ATG9B: variants seen among roughly 807,000 people sequenced by gnomAD.
ATG9B encodes autophagy-related protein 9B.
A neutral mutation model predicts 92.9 loss-of-function variants in ATG9B; 92 were observed. The ratio of observed to expected loss-of-function variants is 0.99; its 90% CI spans 0.84 to 1.18. The LOEUF (loss-of-function observed/expected upper bound fraction) is 1.18, where lower values mean the gene tolerates loss of function less well. Among genes scored for constraint, ATG9B ranks in the 50% most tolerant of loss-of-function variants. The pLI is 0.00. For missense variants in ATG9B, 1,344 were observed against 1,235.0 expected (o/e 1.09, Z -1.32); for synonymous variants, 599 against 551.4 (o/e 1.09, Z -1.21).
At position 151,016,010 on chromosome 7, in the gene ATG9B, G is replaced by A. The variant is rs2117151221; in HGVS notation, c.2661C>T (p.Ala887=). ...PSWSSDGSSP[A]SSPRQQWGTQ... Reference sequence around the variant, plus strand: ...TTCCCCACTGTTGTCTGGGGCTAGAGGCAGGACTGGAGCCTGGTGAAAAAG... The same window carrying A: ...TTCCCCACTGTTGTCTGGGGCTAGAAGCAGGACTGGAGCCTGGTGAAAAAG... Residue 887 remains alanine (A), a synonymous_variant, in exon 13 of 14, where the codon GCC becomes GCT. Transcript: ENST00000639579. 2 of 1,551,600 alleles carry A rather than the reference G, an allele frequency of 1.3e-6. No homozygotes were observed. The highest frequency in any genetic ancestry group is 1.7e-6 in the Non-Finnish European group (2 of 1,146,958).
rs1795629054 is a variant in ATG9B, at chr7:151,018,833, C to G, written c.1505G>C (p.Arg502Pro). 7.7e-7 allele frequency: 1 copy of G among 1,293,294 alleles called. No individual in the cohort carries two copies. The highest frequency in any genetic ancestry group is 9.8e-7 in the Non-Finnish European group (1 of 1,024,258). The allele number at this position is 1,293,294 out of a possible 1,614,324, so 80.1% of individuals were successfully genotyped here. Residue 502 changes from arginine to proline, a missense_variant, in exon 6 of 14, where the codon CGC becomes CCC. Transcript: ENST00000639579. The surrounding 1 kb of genome is among the most constrained non-coding windows in gnomAD (Gnocchi z 4.7). ...GGCGGGGCGGTAGGCGCGGGCCAGG[C>G]GCGCGCGCAGCTCGTGCGGCAGCTC... is the stretch of plus-strand genomic sequence containing the variant. The part of the protein sequence containing the change: ...FNELPHELRA[R>P]LARAYRPAAA...
At chr7:151,024,495 G>T (rs534824064), upstream of ATG9B, 178 of 1,142,574 alleles carry the variant, frequency 1.6e-4, 1 homozygote, top group African/African-American at 2.5e-3. Context: ...CTGTGACACT[G>T]AGCTGGGACT....
Position 151,023,464 on chromosome 7 carries a change from C to A in ATG9B, c.640G>T (p.Glu214Ter). The change falls in exon 3 of 14, where the codon GAG becomes TAG. Residue 214 changes from glutamate (E) to a stop codon, truncating the protein, a stop_gained. Coordinates refer to ENST00000639579, the MANE Select transcript of ATG9B (RefSeq NM_001317056.2). LOFTEE classifies it high-confidence loss of function. Reference sequence around the variant, plus strand: ...TCTCACCCCAGCTGGAAGACATCCTCCAGCAAGATGCAGGCAAAGCCATTC... The same window carrying A: ...TCTCACCCCAGCTGGAAGACATCCTACAGCAAGATGCAGGCAAAGCCATTC... ...QRNGFACILL[E>*]DVFQLGQFIF... 4 of 1,613,064 alleles carry A rather than the reference C, an allele frequency of 2.5e-6. No individual in the cohort carries two copies. The highest frequency in any genetic ancestry group is 3.4e-6 in the Non-Finnish European group (4 of 1,179,600).
At chr7:151,019,443 C>A in intron 5 of ATG9B, 69 bp from the exon 6 acceptor site, 1 of 1,468,430 alleles carries the variant, frequency 6.8e-7, no homozygotes, top group Non-Finnish European at 8.9e-7. Context: ...AGCTCCACAC[C>A]CCTAAGTGTG....
At position 151,015,929 on chromosome 7, in the gene ATG9B, C is replaced by CT; in HGVS notation, c.2741dup (p.Lys915GlufsTer4). On this transcript the variant is annotated frameshift_variant, in exon 13 of 14. Transcript: ENST00000639579. LOFTEE classifies it high-confidence loss of function. ...TGCAAGAGGCCCGGTCAGGCTCCTT[C>CT]TGGGTGTCTGTGGTCACCTGAAACC... 6.4e-7 allele frequency: 1 copy of CT among 1,551,710 alleles called. No individual in the cohort carries two copies. The highest frequency in any genetic ancestry group is 1.7e-4 in the Middle Eastern group (1 of 5,988).
intron 8 of ATG9B, 115 bp downstream of exon 8, chr7:151,017,756 G>C: frequency 7.7e-7 from 1 of 1,293,304 alleles, no homozygotes; most frequent in East Asian, 2.6e-5. Context: ...GAAGTGACCC[G>C]CTCAACGGCA....
Position 151,018,905 on chromosome 7 carries a change from G to T in ATG9B, c.1433C>A (p.Ala478Glu). 2.7e-6 allele frequency: 4 copies of T among 1,476,278 alleles called. No homozygotes were observed. Among genetic ancestry groups the T allele is most frequent in the Non-Finnish European group, 3.6e-6 (4 of 1,122,536 alleles). The allele number at this position is 1,476,278 out of a possible 1,614,324, so 91.4% of individuals were successfully genotyped here. ...GCGCGCCAGGCGGGACCAGCCGCGC[G>T]CCCCCAGCGCGCCAGGCTCGCGCCG... ...LLRREPGALG[A>E]RGWSRLARLQ... Residue 478 changes from alanine to glutamate, a missense_variant, in exon 6 of 14, where the codon GCG (alanine) becomes GAG (glutamate). By Grantham distance (107) the Ala-to-Glu change is moderately radical. Transcript: ENST00000639579. This position sits in a 1 kb window ranked among gnomAD's most constrained non-coding sequence, Gnocchi z 4.7.
Position 151,016,126 on chromosome 7 carries a change from G to T in ATG9B, c.2630C>A (p.Pro877Gln). The T allele has an allele frequency of 6.5e-7, 1 of 1,539,742 alleles. No individual in the cohort carries two copies. Among genetic ancestry groups the T allele is most frequent in the Non-Finnish European group, 8.8e-7 (1 of 1,140,024 alleles). The change falls in exon 12 of 14, where the codon CCA becomes CAA. Residue 877 changes from proline to glutamine, a missense_variant. Transcript: ENST00000639579. ...CTCCTCACCGTCACTTGACCAGGAT[G>T]GCTTCTCCTCATCAGGCGAGGGTGG... Reference protein sequence around the residue: ...SQPPSPDEEKPSWSSDGSSPA... With the variant: ...SQPPSPDEEKQSWSSDGSSPA...
rs1383828075 is a variant in ATG9B at position 151,015,925 on chromosome 7, C to T, written c.2746G>A (p.Glu916Lys). The change falls in exon 13 of 14, where the codon GAG (glutamate) becomes AAG (lysine). Residue 916 changes from glutamate (E) to lysine (K), a missense_variant. Physicochemically the swap from Glu to Lys is moderately conservative, Grantham distance 56. Coordinates refer to ENST00000639579, the MANE Select transcript of ATG9B (RefSeq NM_001317056.2). ...GFQVTTDTQKEPDRASCTD is the reference protein window; with the variant it reads ...GFQVTTDTQKKPDRASCTD ...TCAGTGCAAGAGGCCCGGTCAGGCT[C>T]CTTCTGGGTGTCTGTGGTCACCTGA... The T allele has an allele frequency of 1.9e-6, 3 of 1,551,576 alleles. No homozygotes were observed. The highest frequency in any genetic ancestry group is 2.6e-6 in the Non-Finnish European group (3 of 1,146,988).
chr7:151,015,031 A>G (rs1795423446), downstream of ATG9B: 1 of 152,244 alleles, frequency 6.6e-6, no homozygotes, highest in South Asian at 2.1e-4. Flanking sequence ...CTCTGAAAAC[A>G]TGGTTTCCAG....
At chr7:151,013,419 GGAGA>G (rs748308136), downstream of ATG9B, 4 of 1,582,756 alleles carry the variant, frequency 2.5e-6, no homozygotes, top group Non-Finnish European at 2.6e-6. Flanking sequence ...CTGAAGATAG[GGAGA>G]GAGGGGAGGA....
rs771430229 is a variant in ATG9B, at chr7:151,018,493, A to T, written c.1719-46T>A. On this transcript the variant is annotated intron_variant, in intron 6 of 13. Coordinates refer to ENST00000639579, the MANE Select transcript of ATG9B (RefSeq NM_001317056.2). The surrounding 1 kb of genome is among the most constrained non-coding windows in gnomAD (Gnocchi z 4.7). ...GGGGAAGGGGCCTGCGATTAGGAGG[A>T]CGCGCGGTGGGATGTAGGGCTAGAG... 1 of 1,513,952 alleles carries T rather than the reference A, an allele frequency of 6.6e-7. No homozygotes were observed. The highest frequency in any genetic ancestry group is 8.8e-7 in the Non-Finnish European group (1 of 1,133,084). The allele number at this position is 1,513,952 out of a possible 1,614,324, so 93.8% of individuals were successfully genotyped here.
rs768056870 is a variant in ATG9B at position 151,018,102 on chromosome 7, G to C, written c.1873-52C>G. Reference sequence around the variant, plus strand: ...AGGGGTCGCTGAGGGGCCCACGCGCGTTATCAGGACCAAGCAGTCCCCAGC... The same window carrying C: ...AGGGGTCGCTGAGGGGCCCACGCGCCTTATCAGGACCAAGCAGTCCCCAGC... On this transcript the variant is annotated intron_variant, in intron 7 of 13. Transcript: ENST00000639579. This position sits in a 1 kb window ranked among gnomAD's most constrained non-coding sequence, Gnocchi z 4.7. 1 of 1,524,254 alleles carries C rather than the reference G, an allele frequency of 6.6e-7. No homozygotes were observed. Among genetic ancestry groups the C allele is most frequent in the Admixed American group, 2.0e-5 (1 of 49,176 alleles). The allele number at this position is 1,524,254 out of a possible 1,614,324, so 94.4% of individuals were successfully genotyped here. A position where few individuals can be genotyped will look rare whatever the true frequency, so the allele number is the denominator to read the frequency against.
intron 4 of ATG9B, among the ~76,000 whole-genome samples, chr7:151,022,291 C>T (rs1795782008): frequency 6.8e-6 from 1 of 147,890 alleles, no homozygotes; most frequent in South Asian, 2.1e-4. Flanking sequence ...GTACGCACCA[C>T]CAAGCCCAGC....
rs776689003 is a variant in ATG9B at position 151,019,199 on chromosome 7, C to A, written c.1139G>T (p.Arg380Leu). 6.5e-7 allele frequency: 1 copy of A among 1,537,778 alleles called. No individual in the cohort carries two copies. The highest frequency in any genetic ancestry group is 1.7e-4 in the Middle Eastern group (1 of 5,868). Residue 380 changes from arginine to leucine, a missense_variant, in exon 6 of 14, where the codon CGC becomes CTC. By Grantham distance (102) the Arg-to-Leu change is moderately radical. Coordinates refer to ENST00000639579, the MANE Select transcript of ATG9B (RefSeq NM_001317056.2). Reference protein sequence around the residue: ...ALANKGLLPARCPLPWGGSAA... With the variant: ...ALANKGLLPALCPLPWGGSAA... ...ACTGCCTCCCCAGGGCAGCGGGCAG[C>A]GGGCCGGCAGCAGGCCTTTGTTGGC...
Position 151,018,439 on chromosome 7 carries a change from ATGAAAGACC to A in ATG9B, c.1719-1_1726del. 6.6e-7 allele frequency: 1 copy of A among 1,526,640 alleles called. No homozygotes were observed. Among genetic ancestry groups the A allele is most frequent in the Non-Finnish European group, 8.8e-7 (1 of 1,137,886 alleles). The allele number at this position is 1,526,640 out of a possible 1,614,324, so 94.6% of individuals were successfully genotyped here. A position where few individuals can be genotyped will look rare whatever the true frequency, so the allele number is the denominator to read the frequency against. ...ACGACCCTGGCACTGCTCTTCCGGA[ATGAAAGACC>A]TGAAAGGCGGGATCCGTGGGGGGAA... is the stretch of plus-strand genomic sequence containing the variant. On this transcript the variant is annotated splice_acceptor_variant and coding_sequence_variant, in exon 7 of 14. Transcript: ENST00000639579. LOFTEE classifies it high-confidence loss of function. This position sits in a 1 kb window ranked among gnomAD's most constrained non-coding sequence, Gnocchi z 4.7.
intron 4 of ATG9B, among the ~76,000 whole-genome samples, chr7:151,022,283 A>T (rs1795781672): frequency 6.8e-6 from 1 of 147,798 alleles, no homozygotes; most frequent in African/African-American, 2.6e-5. Context: ...GACTGCAGGT[A>T]CGCACCACCA....
At chr7:151,023,333 C>T in intron 3 of ATG9B, 112 bp downstream of exon 3, 1 of 1,597,594 alleles carries the variant, frequency 6.3e-7, no homozygotes, top group Non-Finnish European at 8.6e-7. Context: ...AGCCCTTGGG[C>T]TGCTCGGGAA....
At position 151,016,445 on chromosome 7, in the gene ATG9B, T is replaced by C. The variant is rs1346995594; in HGVS notation, c.2506A>G (p.Ile836Val). The C allele has an allele frequency of 2.6e-6, 4 of 1,551,482 alleles. No individual in the cohort carries two copies. In the South Asian group the frequency reaches 3.6e-5, roughly 14 times the overall value. Residue 836 changes from isoleucine (I) to valine (V), a missense_variant, in exon 11 of 14, where the codon ATC (isoleucine) becomes GTC (valine). Coordinates refer to ENST00000639579, the MANE Select transcript of ATG9B (RefSeq NM_001317056.2). ...LASAEMSLHV[I>V]YLHQLHQQQQ... Reference sequence around the variant, plus strand: ...CCTCTACTCACCTGGTGCAGGTAGATGACATGGAGACTCATCTCGGCAGAA... The same window carrying C: ...CCTCTACTCACCTGGTGCAGGTAGACGACATGGAGACTCATCTCGGCAGAA...
Sources: gnomAD v4.1 joint callset for allele counts (sites outside exome capture counted in the v4.1 genomes callset) on GRCh38, gnomAD v4.1.1 for gene constraint, Gnocchi (gnomAD v3.1) non-coding constraint, MANE v1.5 for transcripts, NCBI Gene and HGNC (gene_info 2026-07-23, HGNC 2026-07-21) for gene names.